GRXCR1: variants seen among roughly 807,000 people sequenced by gnomAD.
The protein encoded by GRXCR1 is glutaredoxin domain-containing cysteine-rich protein 1.
Under a neutral mutation model 27.3 loss-of-function variants are expected in GRXCR1, and 27 were observed. The ratio of observed to expected loss-of-function variants is 0.99; its 90% CI spans 0.73 to 1.37. GRXCR1 has a LOEUF of 1.37. GRXCR1 is among the 40% of genes most tolerant of loss of function. The pLI, the probability that GRXCR1 is intolerant of heterozygous loss-of-function variation, is 0.00. For synonymous variants in GRXCR1, 122 were observed against 131.1 expected, an observed-to-expected ratio of 0.93 and a Z score of 0.47; for missense variants, 379 against 354.4, an observed-to-expected ratio of 1.07 and a Z score of -0.56.
intron 1 of GRXCR1, among the ~76,000 whole-genome samples, chr4:42,960,671 T>C (rs1748112127): frequency 1.3e-5 from 2 of 151,758 alleles, no homozygotes; most frequent in African/African-American, 4.8e-5. Flanking sequence ...TCTTACTTAA[T>C]CTTCTCAGCA....
At chr4:42,913,802 C>T (rs1206012159) in intron 1 of GRXCR1, among the ~76,000 whole-genome samples, 2 of 152,126 alleles carry the variant, frequency 1.3e-5, no homozygotes, top group Admixed American at 6.6e-5. Flanking sequence ...AGCCCAGGGC[C>T]CCCGCTTCTC....
At chr4:43,030,130 C>T (rs1463013222) in intron 3 of GRXCR1, among the ~76,000 whole-genome samples, 1 of 152,176 alleles carries the variant, frequency 6.6e-6, no homozygotes, top group African/African-American at 2.4e-5. Context: ...ACCCACTTTA[C>T]AAACCAAGCC....
intron 1 of GRXCR1, among the ~76,000 whole-genome samples, chr4:42,955,439 G>A (rs78275711): frequency 0.018 from 2,704 of 152,096 alleles, 56 homozygotes; most frequent in African/African-American, 0.048. Context: ...CTCAGGAGTG[G>A]GTAGCAAAAC....
intron 1 of GRXCR1, among the ~76,000 whole-genome samples, chr4:42,950,704 C>G (rs1418300821): frequency 6.6e-6 from 1 of 152,024 alleles, no homozygotes; most frequent in Non-Finnish European, 1.5e-5. Context: ...TACATATAAT[C>G]CTACAACTCT....
intron 1 of GRXCR1, among the ~76,000 whole-genome samples, chr4:42,946,693 C>G (rs1194395205): frequency 6.6e-6 from 1 of 152,146 alleles, no homozygotes; most frequent in Admixed American, 6.5e-5. Flanking sequence ...CCAGTTCCCT[C>G]TGGCCTCTTT....
chr4:43,018,142 A>G (rs551611885), intron 2 of GRXCR1, among the ~76,000 whole-genome samples: 28 of 152,292 alleles, frequency 1.8e-4, no homozygotes, highest in Middle Eastern at 3.4e-3. Context: ...AGTGGAGGGC[A>G]GAGACATGGG....
chr4:43,020,714 C>G (rs945180730), intron 3 of GRXCR1, among the ~76,000 whole-genome samples: 1 of 152,178 alleles, frequency 6.6e-6, no homozygotes, highest in Non-Finnish European at 1.5e-5. Flanking sequence ...AGGAAATGGT[C>G]TTGATGCACA....
intron 1 of GRXCR1, among the ~76,000 whole-genome samples, chr4:42,930,395 C>T (rs1747275869): frequency 6.6e-6 from 1 of 151,984 alleles, no homozygotes; most frequent in Non-Finnish European, 1.5e-5. Flanking sequence ...CTAAACCAAG[C>T]AATGGGTCTG....
chr4:42,985,054 G>A (rs1711662895), intron 2 of GRXCR1, among the ~76,000 whole-genome samples: 1 of 152,118 alleles, frequency 6.6e-6, no homozygotes, highest in African/African-American at 2.4e-5. Context: ...CACTCTGTTG[G>A]CTGGGGTTCA....
intron 2 of GRXCR1, among the ~76,000 whole-genome samples, chr4:42,974,783 T>C (rs1237419478): frequency 6.6e-6 from 1 of 152,122 alleles, no homozygotes; most frequent in African/African-American, 2.4e-5. Context: ...CTTGGGGCTG[T>C]GGCATAAACA....
At chr4:43,019,003 T>C (rs918006852) in intron 2 of GRXCR1, among the ~76,000 whole-genome samples, 5 of 152,200 alleles carry the variant, frequency 3.3e-5, no homozygotes, top group African/African-American at 1.2e-4. Context: ...TTTGACATTT[T>C]TTATGGTGAT....
chr4:42,989,760 A>G (rs937939547), intron 2 of GRXCR1, among the ~76,000 whole-genome samples: 2 of 152,170 alleles, frequency 1.3e-5, no homozygotes, highest in Admixed American at 1.3e-4. Context: ...TTCTATATCT[A>G]GAGCAATAAA....
chr4:42,987,196 G>A (rs1308302905), intron 2 of GRXCR1, among the ~76,000 whole-genome samples: 2 of 88,348 alleles, frequency 2.3e-5, no homozygotes, highest in East Asian at 3.4e-4. Context: ...TGATTTCATA[G>A]TTTTCATATA....
At chr4:43,014,794 T>C (rs1291903113) in intron 2 of GRXCR1, among the ~76,000 whole-genome samples, 1 of 152,164 alleles carries the variant, frequency 6.6e-6, no homozygotes, top group African/African-American at 2.4e-5. Flanking sequence ...TTGAATGCTG[T>C]GTTTACTCCA....
chr4:42,921,915 C>T (rs187683574), intron 1 of GRXCR1, among the ~76,000 whole-genome samples: 120 of 152,174 alleles, frequency 7.9e-4, no homozygotes, highest in Non-Finnish European at 1.4e-3. Flanking sequence ...TGTCCACATG[C>T]CTGTGTTGCA....
At chr4:42,948,442 T>C (rs1747799072) in intron 1 of GRXCR1, among the ~76,000 whole-genome samples, 1 of 152,142 alleles carries the variant, frequency 6.6e-6, no homozygotes, top group South Asian at 2.1e-4. Context: ...AAGAACAGTG[T>C]GTTTCATGGT....
chr4:42,987,758 G>C (rs187623147), intron 2 of GRXCR1, among the ~76,000 whole-genome samples: 39 of 152,220 alleles, frequency 2.6e-4, no homozygotes, highest in African/African-American at 8.4e-4. Context: ...TAAAATTCTA[G>C]ATAAAATAAT....
intron 1 of GRXCR1, among the ~76,000 whole-genome samples, chr4:42,920,663 A>C (rs1183487505): frequency 6.6e-6 from 1 of 152,008 alleles, no homozygotes; most frequent in Non-Finnish European, 1.5e-5. Flanking sequence ...GCAGGGTATA[A>C]GTTTTTTCTC....
rs148778062 is a variant in GRXCR1, at chr4:42,956,569, A to G, written c.385-6323A>G. ...CTAGAAAGACCTACTTCCAAATCAT[A>G]CAAAAATTGTACAGTAAAATCTTTT... On this transcript the variant is annotated intron_variant, in intron 1 of 3. Transcript: ENST00000399770. 6.7e-4 allele frequency among the ~76,000 whole-genome samples: 102 copies of G among 152,244 alleles called. No individual in the cohort carries two copies. In the Middle Eastern group the frequency reaches 0.01, roughly 15 times the overall value.
Sources: gnomAD v4.1 joint callset for allele counts (sites outside exome capture counted in the v4.1 genomes callset) on GRCh38, gnomAD v4.1.1 for gene constraint, MANE v1.5 for transcripts, NCBI Gene and HGNC (gene_info 2026-07-23, HGNC 2026-07-21) for gene names.